The following ANGPT1 variants were observed in gnomAD, a reference collection of about 807,000 sequenced individuals.
ANGPT1 encodes angiopoietin 1.
A neutral mutation model predicts 62.2 loss-of-function variants in ANGPT1; 17 were observed. That is an observed-to-expected ratio of 0.27 (90% confidence interval 0.19 to 0.41). The LOEUF is 0.41. Ranked by LOEUF, ANGPT1 falls within the 10% of genes least tolerant of loss-of-function variation. ANGPT1 has a pLI of 1.00. For synonymous variants in ANGPT1, 199 were observed against 198.9 expected (o/e 1.00, Z 0.00); for missense variants, 478 against 594.9 (o/e 0.80, Z 2.04).
intron 5 of ANGPT1, among the ~76,000 whole-genome samples, chr8:107,299,413 ATATATAT>A (rs1423651143): frequency 6.3e-5 from 9 of 142,726 alleles, no homozygotes; most frequent in African/African-American, 1.8e-4. Flanking sequence ...ATATATATAT[ATATATAT>A]AAACATACAT....
chr8:107,469,156 C>T (rs1812281219), intron 1 of ANGPT1, among the ~76,000 whole-genome samples: 1 of 152,024 alleles, frequency 6.6e-6, no homozygotes, highest in South Asian at 2.1e-4. Context: ...GCATGAATGA[C>T]TTCCAAGGAC....
intron 7 of ANGPT1, among the ~76,000 whole-genome samples, chr8:107,282,422 G>GTA (rs1386788087): frequency 1.4e-4 from 8 of 55,314 alleles, no homozygotes; most frequent in African/African-American, 6.8e-4. Flanking sequence ...AGGCTCATAT[G>GTA]TATATATATG....
chr8:107,496,271 C>T (rs1294961953), intron 1 of ANGPT1, among the ~76,000 whole-genome samples: 1 of 152,104 alleles, frequency 6.6e-6, no homozygotes, highest in South Asian at 2.1e-4. Context: ...TACTTATTCT[C>T]GGCTGCCTAT....
chr8:107,296,183 T>C (rs941434764), intron 5 of ANGPT1, among the ~76,000 whole-genome samples: 6 of 152,078 alleles, frequency 3.9e-5, no homozygotes, highest in Non-Finnish European at 7.4e-5. Flanking sequence ...CAGATGTGTG[T>C]GGCAGGGAGT....
intron 4 of ANGPT1, among the ~76,000 whole-genome samples, chr8:107,320,041 A>G (rs913973000): frequency 6.6e-6 from 1 of 152,162 alleles, no homozygotes; most frequent in African/African-American, 2.4e-5. Flanking sequence ...ATTTAGACAA[A>G]TTCAGTTTCT....
chr8:107,274,915 C>T (rs1813825469), intron 7 of ANGPT1, among the ~76,000 whole-genome samples: 1 of 152,032 alleles, frequency 6.6e-6, no homozygotes, highest in Admixed American at 6.6e-5. Context: ...TAGGGAACAG[C>T]AATTACAACC....
intron 1 of ANGPT1, among the ~76,000 whole-genome samples, chr8:107,362,959 C>T (rs1240551583): frequency 1.3e-5 from 2 of 152,124 alleles, no homozygotes; most frequent in African/African-American, 4.8e-5. Flanking sequence ...ATCTACATGA[C>T]TTCTTCCAAA....
chr8:107,322,246 AT>A (rs1389990806), intron 3 of ANGPT1, 118 bp from the exon 4 acceptor site: 3 of 739,802 alleles, frequency 4.1e-6, no homozygotes, highest in Non-Finnish European at 6.5e-6. Context: ...CACTGTAAAA[AT>A]ATTTTTAAGT....
intron 1 of ANGPT1, among the ~76,000 whole-genome samples, chr8:107,410,872 G>A (rs1005309755): frequency 6.6e-6 from 1 of 152,038 alleles, no homozygotes; most frequent in African/African-American, 2.4e-5. Flanking sequence ...GTTACCATTT[G>A]TCTCTTACTT....
chr8:107,382,370 C>T (rs1376656070), intron 1 of ANGPT1, among the ~76,000 whole-genome samples: 1 of 151,960 alleles, frequency 6.6e-6, no homozygotes, highest in African/African-American at 2.4e-5. Context: ...GTATCCAAGT[C>T]GAGCTGCAGT....
intron 1 of ANGPT1, among the ~76,000 whole-genome samples, chr8:107,492,760 T>C: frequency 6.6e-6 from 1 of 150,578 alleles, no homozygotes; most frequent in East Asian, 2.0e-4. Context: ...CCAGTGAGAA[T>C]TAAGTTCTCA....
chr8:107,311,444 C>A (rs1814861336), intron 4 of ANGPT1, among the ~76,000 whole-genome samples: 1 of 151,854 alleles, frequency 6.6e-6, no homozygotes, highest in African/African-American at 2.4e-5. Context: ...TAAAATTTTA[C>A]TAAAGGGATA....
intron 1 of ANGPT1, among the ~76,000 whole-genome samples, chr8:107,373,734 C>A (rs371194412): frequency 1.3e-5 from 2 of 152,164 alleles, no homozygotes; most frequent in African/African-American, 4.8e-5. Context: ...TTTCTAAGTG[C>A]CTCACTTTCC....
intron 4 of ANGPT1, among the ~76,000 whole-genome samples, chr8:107,318,273 G>A (rs1186082394): frequency 6.6e-6 from 1 of 152,328 alleles, no homozygotes; most frequent in East Asian, 1.9e-4. Flanking sequence ...TGTCTATTAG[G>A]AATAAGAAGA....
At chr8:107,295,034 C>A (rs1483295128) in intron 5 of ANGPT1, 1 of 152,142 alleles carries the variant, frequency 6.6e-6, no homozygotes, top group Admixed American at 6.6e-5. Flanking sequence ...AAAGAAAAAA[C>A]CTCAAGTGTT....
intron 1 of ANGPT1, among the ~76,000 whole-genome samples, chr8:107,471,468 TG>T (rs929874064): frequency 2.6e-5 from 4 of 151,974 alleles, no homozygotes; most frequent in Admixed American, 6.6e-5. Context: ...GACAGATAGA[TG>T]GGTGCAGAAA....
At chr8:107,413,694 A>C (rs1810653163) in intron 1 of ANGPT1, among the ~76,000 whole-genome samples, 1 of 151,202 alleles carries the variant, frequency 6.6e-6, no homozygotes, top group Admixed American at 6.6e-5. Flanking sequence ...ATTAATTTTA[A>C]AATATTTTAA....
chr8:107,368,194 A>G (rs542979020), intron 1 of ANGPT1, among the ~76,000 whole-genome samples: 11 of 152,310 alleles, frequency 7.2e-5, no homozygotes, highest in African/African-American at 2.6e-4. Context: ...AGCAGGTATA[A>G]AAACAATATT....
At chr8:107,385,277 T>C (rs1816711799) in intron 1 of ANGPT1, among the ~76,000 whole-genome samples, 1 of 152,180 alleles carries the variant, frequency 6.6e-6, no homozygotes, top group South Asian at 2.1e-4. Context: ...GGAATGTTTT[T>C]CTACTTGTGT....
Sources: allele counts gnomAD v4.1 joint callset (sites outside exome capture counted in the v4.1 genomes callset), GRCh38; gene constraint gnomAD v4.1.1; transcripts MANE v1.5; gene names NCBI Gene and HGNC (gene_info 2026-07-23, HGNC 2026-07-21).